RPL10: variants seen among roughly 807,000 people sequenced by gnomAD.
RPL10 encodes ribosomal protein L10, also known as large ribosomal subunit protein uL16.
Under a neutral mutation model 15.7 loss-of-function variants are expected in RPL10, and 1 was observed. The ratio of observed to expected loss-of-function variants is 0.06; its 90% confidence interval spans 0.02 to 0.30. RPL10 has a LOEUF of 0.30. Among genes scored for constraint, RPL10 ranks in the 10% least tolerant of loss-of-function variants. The pLI is 1.00. For missense variants in RPL10, 54 were observed against 183.4 expected (o/e 0.29, Z 4.08); for synonymous variants, 59 against 64.0 (o/e 0.92, Z 0.37).
chrX:154,398,108 G>A (rs782231180), upstream of RPL10: 1 of 322,983 alleles, frequency 3.1e-6, no homozygotes, highest in East Asian at 7.0e-5. Context: ...TAGGGCAAGA[G>A]TTCTACGCCC....
chrX:154,398,925 C>T, intron 2 of RPL10: 1 of 359,575 alleles, frequency 2.8e-6, no homozygotes, highest in East Asian at 5.5e-5. Flanking sequence ...CTGTGTCCTA[C>T]AGGGGGCGCC....
chrX:154,400,453 C>T lies in RPL10; in HGVS notation c.330-11C>T. 1 of 1,200,016 alleles carries T rather than the reference C, an allele frequency of 8.3e-7. No homozygotes were observed. The highest frequency in any genetic ancestry group is 3.0e-5 in the East Asian group (1 of 33,845). ...TGTTCATGTTTCTGACCTTGCACTA[C>T]CCCAATGTAGGCTCCAAACAGGCAT... is the stretch of plus-strand genomic sequence containing the variant. On this transcript the variant is annotated splice_polypyrimidine_tract_variant and intron_variant, in intron 5 of 6. Transcript: ENST00000369817.
chrX:154,398,267 T>C (rs1557184760), upstream of RPL10: 2 of 520,081 alleles, frequency 3.8e-6, no homozygotes, highest in Non-Finnish European at 6.9e-6. Flanking sequence ...AGCGGCTGCG[T>C]CTATGGTCAT....
At chrX:154,398,300 C>T, upstream of RPL10, 2 of 551,542 alleles carry the variant, frequency 3.6e-6, no homozygotes, top group East Asian at 3.3e-5. Flanking sequence ...AGCGTCCACC[C>T]GTCTTCGACA....
chrX:154,398,229 T>G (rs2067950431), upstream of RPL10: 1 of 486,790 alleles, frequency 2.1e-6, no homozygotes, highest in South Asian at 2.5e-5. Context: ...GCGCATGTGC[T>G]GGGCTACGCC....
rs782739404 is a variant in RPL10 at position 154,398,406 on chromosome X, C to T, written c.-24+12C>T. 6.1e-5 allele frequency: 57 copies of T among 938,467 alleles called. No homozygotes were observed. The highest frequency in any genetic ancestry group is 7.8e-5 in the Non-Finnish European group (51 of 650,065). 77.3% of individuals were successfully genotyped at this position (938,467 alleles called of 1,213,427 possible). The stretch of plus-strand genomic sequence containing the variant: ...TTCCCTTCGGTGTGGTGAGTAAGCG[C>T]AGTTGTCGTCTCTTGCGGTGCCGTT... On this transcript the variant is annotated intron_variant, in intron 1 of 6. Coordinates refer to ENST00000369817, the MANE Select transcript of RPL10 (RefSeq NM_006013.5).
Position 154,400,969 on chromosome X carries a change from T to C in RPL10, c.*115T>C. The C allele has an allele frequency of 2.5e-6, 3 of 1,177,446 alleles. No individual in the cohort carries two copies. Among genetic ancestry groups the C allele is most frequent in the Non-Finnish European group, 3.4e-6 (3 of 877,599 alleles). ...GGAAGGAACTTCCTCTGGGAACCTT[T>C]GGGTCATTGCCCTTTCACTTCAGAA... On this transcript the variant is annotated 3_prime_UTR_variant, in exon 7 of 7. Transcript: ENST00000369817.
Position 154,398,483 on chromosome X carries a change from CTT to C in RPL10, c.-23-10_-23-9del. 1 of 1,210,923 alleles carries C rather than the reference CTT, an allele frequency of 8.3e-7. No individual in the cohort carries two copies. Among genetic ancestry groups the C allele is most frequent in the Non-Finnish European group, 1.1e-6 (1 of 894,828 alleles). ...TTCTCGTCTTCCGTTCCGACTCTCTCTTTTTCGTTGCAGCCACTGAAGATCCT... is the reference window on the plus strand; with the variant it reads ...TTCTCGTCTTCCGTTCCGACTCTCTCTTTCGTTGCAGCCACTGAAGATCCT... On this transcript the variant is annotated splice_polypyrimidine_tract_variant and intron_variant, in intron 1 of 6. Transcript: ENST00000369817.
rs1557186149 is a variant in RPL10, at chrX:154,401,254, CCAG to C, written c.*405_*407del. On this transcript the variant is annotated 3_prime_UTR_variant, in exon 7 of 7. Coordinates refer to ENST00000369817, the MANE Select transcript of RPL10 (RefSeq NM_006013.5). ...GAGGGGCTTGTGGGCTAGAGGCTGACCAGCAGCGTTTATTTAGCAAGGGTAGGT... is the reference window on the plus strand; with the variant it reads ...GAGGGGCTTGTGGGCTAGAGGCTGACCAGCGTTTATTTAGCAAGGGTAGGT... 6 of 253,825 alleles carry C rather than the reference CCAG, an allele frequency of 2.4e-5. No homozygotes were observed. The highest frequency in any genetic ancestry group is 3.6e-5 in the Non-Finnish European group (5 of 138,149). 20.9% of individuals were successfully genotyped at this position (253,825 alleles called of 1,213,427 possible).
intron 2 of RPL10, 44 bp from the exon 3 acceptor site, chrX:154,399,294 T>C (rs1193926094): frequency 8.4e-7 from 1 of 1,193,083 alleles, no homozygotes; most frequent in Non-Finnish European, 1.1e-6. Context: ...CTGTTGGGCT[T>C]TCTGTGAACC....
chrX:154,398,736 GGTGTGGAAGCGACGGTTCCCTC>G, intron 2 of RPL10, 194 bp downstream of exon 2: 2 of 511,286 alleles, frequency 3.9e-6, no homozygotes, highest in Non-Finnish European at 6.6e-6. Context: ...TTCCCGTGTC[GGTGTGGAAGCGACGGTTCCCTC>G]GTATCTCTGC....
chrX:154,398,440 T>C (rs1168740636), intron 1 of RPL10, 46 bp downstream of exon 1: 1 of 1,157,369 alleles, frequency 8.6e-7, no homozygotes, highest in Non-Finnish European at 1.2e-6. Flanking sequence ...TTGCTGGTTC[T>C]CACACCTTTT....
chrX:154,398,815 T>C (rs1334637594), intron 2 of RPL10: 1 of 421,189 alleles, frequency 2.4e-6, no homozygotes, highest in African/African-American at 2.5e-5. Context: ...GATACGCTCT[T>C]GGGGCCTTTG....
rs782620172 is a variant in RPL10, at chrX:154,401,422, C to G, written c.*568C>G. On this transcript the variant is annotated 3_prime_UTR_variant, in exon 7 of 7. Transcript: ENST00000369817. ...ACCTCCTGGGCCCCATGCCCCCACC[C>G]CTTCTAGAACCTGCATTCCCAGGGC... The G allele has an allele frequency of 1.1e-4, 15 of 137,812 alleles. No homozygotes were observed. The highest frequency in any genetic ancestry group is 1.9e-4 in the Non-Finnish European group (13 of 68,668). 11.4% of individuals were successfully genotyped at this position (137,812 alleles called of 1,213,427 possible). A position where few individuals can be genotyped will look rare whatever the true frequency, so the allele number is the denominator to read the frequency against.
chrX:154,399,476 A>C lies in RPL10; in HGVS notation c.83-11A>C. ...TGTGACACCCCCTGCACACTTACCC[A>C]ATCCTTTTAGATGCCAAGATTCGCA... On this transcript the variant is annotated splice_polypyrimidine_tract_variant and intron_variant, in intron 3 of 6. Transcript: ENST00000369817. 4 of 1,211,831 alleles carry C rather than the reference A, an allele frequency of 3.3e-6. No individual in the cohort carries two copies. The South Asian group carries it at 7.0e-5, about 21-fold the overall frequency.
intron 2 of RPL10, 113 bp downstream of exon 2, chrX:154,398,655 T>C: frequency 3.2e-6 from 3 of 936,008 alleles, no homozygotes; most frequent in Non-Finnish European, 4.6e-6. Context: ...CGGCCCTGTC[T>C]TGGGAACTGA....
chrX:154,398,566 T>C, intron 2 of RPL10, 24 bp downstream of exon 2: 1 of 1,210,589 alleles, frequency 8.3e-7, no homozygotes, highest in Non-Finnish European at 1.1e-6. Context: ...CCGTGTACTT[T>C]CACTGCTGGG....
chrX:154,399,992 G>T (rs2067993747), intron 5 of RPL10, 51 bp downstream of exon 5: 3 of 1,194,101 alleles, frequency 2.5e-6, no homozygotes, highest in African/African-American at 3.5e-5. Context: ...ACATTATTAG[G>T]CTTGCATTAT....
chrX:154,398,569 C>T (rs2067958165), intron 2 of RPL10, 27 bp downstream of exon 2: 1 of 1,208,851 alleles, frequency 8.3e-7, no homozygotes, highest in Admixed American at 2.2e-5. Context: ...TGTACTTTCA[C>T]TGCTGGGAAA....
Sources: gnomAD v4.1 joint callset for allele counts on GRCh38, gnomAD v4.1.1 for gene constraint, MANE v1.5 for transcripts, NCBI Gene and HGNC (gene_info 2026-07-23, HGNC 2026-07-21) for gene names.